SNX5: variants seen among roughly 807,000 people sequenced by gnomAD.
SNX5 encodes sorting nexin-5.
A neutral mutation model predicts 53.9 loss-of-function variants in SNX5; 31 were observed. The ratio of observed to expected loss-of-function variants is 0.58; its 90% CI spans 0.43 to 0.78. The LOEUF is 0.78. SNX5 is among the 30% of genes least tolerant of loss of function. SNX5 has a pLI of 0.00. For missense variants in SNX5, 471 were observed against 478.8 expected (o/e 0.98, Z 0.15); for synonymous variants, 168 against 171.1 (o/e 0.98, Z 0.14).
At chr20:17,948,160 G>A (rs2039512046) in intron 10 of SNX5, among the ~76,000 whole-genome samples, 1 of 152,228 alleles carries the variant, frequency 6.6e-6, no homozygotes, top group African/African-American at 2.4e-5. Context: ...GAGCAATTAT[G>A]ATGTATAGAT....
chr20:17,953,536 T>C (rs1296713511), intron 4 of SNX5, among the ~76,000 whole-genome samples: 2 of 152,164 alleles, frequency 1.3e-5, no homozygotes, highest in Non-Finnish European at 2.9e-5. Context: ...CTCAGCACTA[T>C]GGGAGGCAAA....
chr20:17,963,035 T>C (rs1190255758), intron 1 of SNX5: 1 of 374,404 alleles, frequency 2.7e-6, no homozygotes, highest in Non-Finnish European at 5.3e-6. Context: ...AAGAAATCCA[T>C]CTAATTACTA....
chr20:17,960,172 G>A (rs557534989), intron 1 of SNX5, among the ~76,000 whole-genome samples: 3 of 152,174 alleles, frequency 2.0e-5, no homozygotes, highest in Non-Finnish European at 4.4e-5. Context: ...TTTTAAAACT[G>A]ACTTCTGGCT....
chr20:17,949,996 G>T, intron 8 of SNX5, 136 bp downstream of exon 8: 4 of 666,322 alleles, frequency 6.0e-6, no homozygotes, highest in Non-Finnish European at 1.0e-5. Context: ...CATGTAAGAT[G>T]AGTGCTAGAG....
intron 6 of SNX5, chr20:17,951,045 T>C (rs1324332200): frequency 1.9e-5 from 3 of 158,946 alleles, no homozygotes; most frequent in East Asian, 1.8e-4. Flanking sequence ...GAAACGTTAT[T>C]TTGTATTCTT....
intron 1 of SNX5, chr20:17,962,063 C>T: frequency 2.4e-6 from 2 of 816,944 alleles, no homozygotes; most frequent in Non-Finnish European, 1.5e-6. Context: ...ATTGGTGCTC[C>T]GAATTGTTAC....
At chr20:17,950,534 G>C in intron 6 of SNX5, 138 bp from the exon 7 acceptor site, 1 of 586,116 alleles carries the variant, frequency 1.7e-6, no homozygotes, top group Non-Finnish European at 3.0e-6. Flanking sequence ...ACAGATCAGG[G>C]AATTACAAAT....
At chr20:17,944,155 A>C (rs2039454248) in intron 11 of SNX5, 1 of 152,210 alleles carries the variant, frequency 6.6e-6, no homozygotes, top group Non-Finnish European at 1.5e-5. Context: ...CTAGAAGTAG[A>C]GAACAGAATG....
At chr20:17,966,304 G>C (rs1197870592) in intron 1 of SNX5, among the ~76,000 whole-genome samples, 7 of 151,492 alleles carry the variant, frequency 4.6e-5, no homozygotes, top group African/African-American at 1.7e-4. Flanking sequence ...AGAATCGCTT[G>C]AACCCAGAAA....
chr20:17,952,416 T>C (rs1039365262), intron 5 of SNX5, among the ~76,000 whole-genome samples, 171 bp downstream of exon 5: 2 of 152,186 alleles, frequency 1.3e-5, no homozygotes, highest in Admixed American at 1.3e-4. Context: ...GTCAAAATTT[T>C]CTTTAAGCAG....
chr20:17,967,124 T>C (rs1471498714), intron 1 of SNX5, among the ~76,000 whole-genome samples: 1 of 152,076 alleles, frequency 6.6e-6, no homozygotes, highest in Non-Finnish European at 1.5e-5. Context: ...AGCTGCAATA[T>C]ACTGTACTAC....
chr20:17,960,921 T>C (rs975608405), intron 1 of SNX5, among the ~76,000 whole-genome samples: 5 of 152,184 alleles, frequency 3.3e-5, no homozygotes, highest in Non-Finnish European at 7.3e-5. Flanking sequence ...GGATCACGTA[T>C]CCAAAGTTTT....
chr20:17,956,585 G>A lies in SNX5; in HGVS notation c.156+348C>T, dbSNP rs974129466. On this transcript the variant is annotated intron_variant, in intron 2 of 12. Coordinates refer to ENST00000377759, the MANE Select transcript of SNX5 (RefSeq NM_014426.4). ...AGCTACTCTGGTGGCTGAGGCAGGA[G>A]AATTGCTTGAACCCGGGAGGCAGGG... Among the ~76,000 whole-genome samples the A allele has an allele frequency of 1.0e-4, 15 of 144,534 alleles. 1 individual carries two copies. The highest frequency in any genetic ancestry group is 3.8e-4 in the African/African-American group (15 of 39,282). The allele number at this position is 144,534 out of a possible 152,430, so 94.8% of individuals were successfully genotyped here. A position where few individuals can be genotyped will look rare whatever the true frequency, so the allele number is the denominator to read the frequency against.
At chr20:17,952,785 T>C in intron 4 of SNX5, 75 bp from the exon 5 acceptor site, 4 of 1,545,396 alleles carry the variant, frequency 2.6e-6, no homozygotes, top group Non-Finnish European at 3.5e-6. Context: ...TGATTAATTC[T>C]ATGGCCCTGC....
intron 3 of SNX5, among the ~76,000 whole-genome samples, chr20:17,954,741 C>T (rs1244605433): frequency 3.3e-5 from 5 of 152,246 alleles, no homozygotes; most frequent in African/African-American, 4.8e-5. Flanking sequence ...GAAAGAGTCT[C>T]GCTCTGTCAC....
intron 1 of SNX5, among the ~76,000 whole-genome samples, chr20:17,964,130 G>A (rs1426116239): frequency 1.3e-5 from 2 of 152,144 alleles, no homozygotes; most frequent in African/African-American, 4.8e-5. Context: ...TATAGGAAGG[G>A]TGAGGGAAGA....
intron 8 of SNX5, 134 bp from the exon 9 acceptor site, chr20:17,949,237 T>C: frequency 1.4e-6 from 1 of 711,498 alleles, no homozygotes; most frequent in South Asian, 1.8e-5. Context: ...TTAAAAGTAG[T>C]GCTCTCACTT....
chr20:17,963,670 A>G (rs2035493172), intron 1 of SNX5, among the ~76,000 whole-genome samples: 1 of 152,208 alleles, frequency 6.6e-6, no homozygotes, highest in African/African-American at 2.4e-5. Context: ...AAGATGGTCC[A>G]TATTACTCAT....
At chr20:17,960,771 C>CA (rs571474077) in intron 1 of SNX5, among the ~76,000 whole-genome samples, 25,197 of 92,520 alleles carry the variant, frequency 0.27, 2,693 homozygotes, top group Middle Eastern at 0.47. Flanking sequence ...AGCGAGTCTC[C>CA]AAAAAAAAAA....
Sources: allele counts gnomAD v4.1 joint callset (sites outside exome capture counted in the v4.1 genomes callset), GRCh38; gene constraint gnomAD v4.1.1; transcripts MANE v1.5; gene names NCBI Gene and HGNC (gene_info 2026-07-23, HGNC 2026-07-21).